SCHIP1: variants seen among roughly 807,000 people sequenced by gnomAD.
SCHIP1 encodes the protein schwannomin-interacting protein 1.
A neutral mutation model predicts 29.7 loss-of-function variants in SCHIP1; 8 were observed. That is an observed-to-expected ratio of 0.27 (90% CI 0.16 to 0.49). The LOEUF (loss-of-function observed/expected upper bound fraction) is 0.49, where lower values mean the gene tolerates loss of function less well. Ranked by LOEUF, SCHIP1 falls within the 20% of genes least tolerant of loss-of-function variation. The pLI is 0.99. For missense variants in SCHIP1, 193 were observed against 294.6 expected, an observed-to-expected ratio of 0.66 and a Z score of 2.52; for synonymous variants, 76 against 94.9, an observed-to-expected ratio of 0.80 and a Z score of 1.16.
the SCHIP1 span, among the ~76,000 whole-genome samples, chr3:159,621,854 C>G: frequency 1.3e-5 from 2 of 152,010 alleles, no homozygotes; most frequent in East Asian, 1.9e-4. Context: ...TTAGTAGAGA[C>G]GGGGTTTCAC....
chr3:159,621,311 G>A, the SCHIP1 span, among the ~76,000 whole-genome samples: 1,255 of 152,290 alleles, frequency 8.2e-3, 13 homozygotes, highest in African/African-American at 0.029. Flanking sequence ...ATAATGGGAG[G>A]AAATTCAACA....
the SCHIP1 span, among the ~76,000 whole-genome samples, chr3:159,576,951 A>G: frequency 6.6e-6 from 1 of 152,182 alleles, no homozygotes; most frequent in Non-Finnish European, 1.5e-5. Flanking sequence ...CTTGCATTTT[A>G]TCAACTTATC....
chr3:159,492,321 C>T, the SCHIP1 span, among the ~76,000 whole-genome samples: 89 of 152,150 alleles, frequency 5.8e-4, no homozygotes, highest in African/African-American at 1.9e-3. Context: ...GGAGGAAGTT[C>T]GAACCAATGG....
At position 159,858,574 on chromosome 3, in the gene SCHIP1, A is replaced by T. The variant is rs78436449; in HGVS notation, c.31-7589A>T. 6.7e-3 allele frequency among the ~76,000 whole-genome samples: 1,022 copies of T among 152,338 alleles called. 9 individuals are homozygous for T. The highest frequency in any genetic ancestry group is 0.024 in the African/African-American group (992 of 41,572). On this transcript the variant is annotated intron_variant, in intron 1 of 6. Coordinates refer to ENST00000445224, the Ensembl canonical transcript of SCHIP1. ...AGAAGGAATGCAGTCAACACTAGGCAAAACCATCCTCACAGTTAGTTATTA... is the reference window on the plus strand; with the variant it reads ...AGAAGGAATGCAGTCAACACTAGGCTAAACCATCCTCACAGTTAGTTATTA...
chr3:159,826,106 G>C, the SCHIP1 span, among the ~76,000 whole-genome samples: 4 of 152,174 alleles, frequency 2.6e-5, no homozygotes, highest in African/African-American at 9.7e-5. Context: ...GGAAAACCGA[G>C]GAGTTTGAAA....
the SCHIP1 span, among the ~76,000 whole-genome samples, chr3:159,440,972 G>A: frequency 1.1e-4 from 17 of 152,160 alleles, no homozygotes; most frequent in African/African-American, 4.1e-4. Flanking sequence ...TTTGTCAAGA[G>A]ACAAGAAAGT....
the SCHIP1 span, among the ~76,000 whole-genome samples, chr3:159,590,149 A>AT: frequency 6.6e-6 from 1 of 152,098 alleles, no homozygotes; most frequent in Non-Finnish European, 1.5e-5. Flanking sequence ...GGGCAGATAC[A>AT]TGACCAGACT....
chr3:159,331,155 G>A, the SCHIP1 span, among the ~76,000 whole-genome samples: 1 of 152,126 alleles, frequency 6.6e-6, no homozygotes, highest in Non-Finnish European at 1.5e-5. Context: ...TCAGGAGTTC[G>A]TCGTGAGGCA....
chr3:159,352,316 G>A, the SCHIP1 span, among the ~76,000 whole-genome samples: 1 of 152,146 alleles, frequency 6.6e-6, no homozygotes, highest in African/African-American at 2.4e-5. Flanking sequence ...CTCTGCATAT[G>A]CGATTTTCAC....
At chr3:159,488,320 G>A in the SCHIP1 span, among the ~76,000 whole-genome samples, 5 of 152,136 alleles carry the variant, frequency 3.3e-5, no homozygotes, top group East Asian at 1.9e-4. Context: ...TTAAAATAAC[G>A]GAGAGTATAA....
At chr3:159,881,338 C>T (rs966057267) in intron 2 of SCHIP1, among the ~76,000 whole-genome samples, 1 of 152,060 alleles carries the variant, frequency 6.6e-6, no homozygotes, top group Non-Finnish European at 1.5e-5. Flanking sequence ...CATCAAAGAT[C>T]CTTTAAAATA....
the SCHIP1 span, among the ~76,000 whole-genome samples, chr3:159,702,594 C>T: frequency 6.6e-6 from 1 of 152,156 alleles, no homozygotes; most frequent in Non-Finnish European, 1.5e-5. Context: ...AAAGTCTAAG[C>T]GAAGAGCAAG....
At chr3:159,528,626 C>T in the SCHIP1 span, among the ~76,000 whole-genome samples, 22 of 152,274 alleles carry the variant, frequency 1.4e-4, no homozygotes, top group African/African-American at 5.1e-4. Flanking sequence ...AAAGTTTCCT[C>T]GCCACGTTTT....
chr3:159,497,846 C>G, the SCHIP1 span, among the ~76,000 whole-genome samples: 1 of 152,126 alleles, frequency 6.6e-6, no homozygotes, highest in Admixed American at 6.6e-5. Flanking sequence ...TCACATTACC[C>G]AAGTACCCTC....
the SCHIP1 span, among the ~76,000 whole-genome samples, chr3:159,289,045 C>T: frequency 0.012 from 1,864 of 152,308 alleles, 13 homozygotes; most frequent in Middle Eastern, 0.054. Flanking sequence ...ATCTAATCAA[C>T]CACCAAGTCT....
chr3:159,887,903 C>T (rs766108341), exon 4 of SCHIP1: 1 of 1,613,826 alleles, frequency 6.2e-7, no homozygotes, highest in Admixed American at 1.7e-5. Flanking sequence ...CGTCGCTGAT[C>T]TTGTAAGCAG....
chr3:159,604,505 G>A, the SCHIP1 span, among the ~76,000 whole-genome samples: 24 of 152,176 alleles, frequency 1.6e-4, no homozygotes, highest in African/African-American at 5.5e-4. Context: ...TCTGTGCCAG[G>A]CACTGTGCCA....
chr3:159,888,998 A>T, intron 5 of SCHIP1, 55 bp downstream of exon 6: 1 of 1,559,216 alleles, frequency 6.4e-7, no homozygotes, highest in Non-Finnish European at 8.7e-7. Flanking sequence ...ATTATGGGAT[A>T]ATGCTGCTTC....
chr3:159,340,575 G>A, the SCHIP1 span, among the ~76,000 whole-genome samples: 1 of 152,002 alleles, frequency 6.6e-6, no homozygotes, highest in Non-Finnish European at 1.5e-5. Flanking sequence ...AATAAATTCA[G>A]ATAGAATTCT....
Sources: gnomAD v4.1 joint callset for allele counts (sites outside exome capture counted in the v4.1 genomes callset) on GRCh38, gnomAD v4.1.1 for gene constraint, MANE v1.5 for transcripts, NCBI Gene and HGNC (gene_info 2026-07-23, HGNC 2026-07-21) for gene names.